RPS3: variants seen among roughly 807,000 people sequenced by gnomAD.
RPS3 encodes the protein ribosomal protein S3, also known as small ribosomal subunit protein uS3.
Under a neutral mutation model 25.8 loss-of-function variants are expected in RPS3, and 2 were observed. The observed-to-expected ratio is 0.08, with a 90% CI of 0.03 to 0.24. RPS3 has a LOEUF of 0.24. Ranked by LOEUF, RPS3 falls within the 10% of genes least tolerant of loss-of-function variation. The probability of loss-of-function intolerance (pLI) is 1.00; values close to 1 mark genes in which losing one functional copy is unlikely to be tolerated. For missense variants in RPS3, 107 were observed against 307.1 expected (o/e 0.35, Z 4.87); for synonymous variants, 114 against 114.2 (o/e 1.00, Z 0.01).
Position 75,412,921 on chromosome 11 carries a change from G to A in RPS3, c.*3+8053G>A, listed in dbSNP as rs141509251. 3.9e-3 allele frequency among the ~76,000 whole-genome samples: 599 copies of A among 152,136 alleles called. 3 individuals carry two copies. The highest frequency in any genetic ancestry group is 8.3e-3 in the Admixed American group (127 of 15,274). On this transcript the variant is annotated intron_variant, in intron 6 of 6. Coordinates refer to the RPS3 transcript ENST00000527446. The stretch of plus-strand genomic sequence containing the variant: ...TCAAGAGGTGGGACTGCAGGCAAAC[G>A]CCACCATACCCAGTTAGTTTTTGTA...
At chr11:75,419,888 C>A (rs1034624578) in intron 6 of RPS3, among the ~76,000 whole-genome samples, 1 of 152,208 alleles carries the variant, frequency 6.6e-6, no homozygotes, top group South Asian at 2.1e-4. Context: ...CCCACCTCGG[C>A]CTCCCTAAGT....
chr11:75,410,454 C>T (rs1292279442), downstream of RPS3, among the ~76,000 whole-genome samples: 1 of 151,654 alleles, frequency 6.6e-6, no homozygotes, highest in Non-Finnish European at 1.5e-5. Flanking sequence ...AGGCGCTCCT[C>T]GCTTCCTAGA....
intron 3 of RPS3, chr11:75,402,098 G>T: frequency 1.8e-6 from 1 of 567,948 alleles, no homozygotes; most frequent in Non-Finnish European, 3.2e-6. Flanking sequence ...TGATGGTGGT[G>T]TCCGATCTTT....
chr11:75,405,130 T>A (rs1417461910), intron 6 of RPS3: 1 of 291,392 alleles, frequency 3.4e-6, no homozygotes, highest in Non-Finnish European at 6.3e-6. Flanking sequence ...TCCTCCCTTA[T>A]TTGCTCAAAA....
intron 1 of RPS3, chr11:75,399,902 T>G: frequency 2.1e-6 from 1 of 466,308 alleles, no homozygotes; most frequent in Non-Finnish European, 3.8e-6. Flanking sequence ...CCTCATGTCT[T>G]ATCCCGTGGT....
downstream of RPS3, chr11:75,407,054 G>C (rs1443616721): frequency 6.6e-6 from 1 of 152,158 alleles, no homozygotes; most frequent in African/African-American, 2.4e-5. Context: ...TTCTCATTGT[G>C]CATCAATCTC....
At position 75,402,709 on chromosome 11, in the gene RPS3, C is replaced by A. The variant is rs956062873; in HGVS notation, c.350+263C>A. 2.6e-4 allele frequency: 65 copies of A among 250,690 alleles called. 1 individual carries two copies. The highest frequency in any genetic ancestry group is 1.4e-3 in the African/African-American group (62 of 45,802). The allele number at this position is 250,690 out of a possible 1,614,324, so 15.5% of individuals were successfully genotyped here. ...GGAGTTAAACACAAATAGAACTGTCCAAGGAGGGGACCAACTCCTGTTGGT... is the reference window on the plus strand; with the variant it reads ...GGAGTTAAACACAAATAGAACTGTCAAAGGAGGGGACCAACTCCTGTTGGT... On this transcript the variant is annotated intron_variant, in intron 4 of 6. Coordinates refer to ENST00000531188, the MANE Select transcript of RPS3 (RefSeq NM_001005.5).
intron 6 of RPS3, among the ~76,000 whole-genome samples, chr11:75,421,476 C>T (rs1013566725): frequency 3.9e-5 from 6 of 152,182 alleles, no homozygotes; most frequent in East Asian, 1.9e-4. Flanking sequence ...TGTTCCCTTT[C>T]TCTCCCTCTC....
At chr11:75,401,334 C>T (rs1223369032) in intron 2 of RPS3, among the ~76,000 whole-genome samples, 2 of 151,992 alleles carry the variant, frequency 1.3e-5, no homozygotes, top group Admixed American at 1.3e-4. Context: ...GGGGAAACCC[C>T]CGCTCTACAA....
At position 75,406,634 on chromosome 11, in the gene RPS3, T is replaced by C. The variant is rs1948291938; in HGVS notation, c.*1024T>C. ...AAGTATCTGACCCCCCCTTCCTTTT[T>C]GACTCATAAATTGGTCATCTTAACC... On this transcript the variant is annotated 3_prime_UTR_variant, in exon 7 of 7. Transcript: ENST00000531188. 2 of 152,334 alleles carry C rather than the reference T, an allele frequency of 1.3e-5. No individual in the cohort carries two copies. The highest frequency in any genetic ancestry group is 2.9e-5 in the Non-Finnish European group (2 of 68,034). 9.4% of individuals were successfully genotyped at this position (152,334 alleles called of 1,614,324 possible). A position where few individuals can be genotyped will look rare whatever the true frequency, so the allele number is the denominator to read the frequency against.
At chr11:75,400,406 G>A (rs1425330931) in intron 1 of RPS3, 4 of 549,022 alleles carry the variant, frequency 7.3e-6, no homozygotes, top group Non-Finnish European at 1.4e-5. Context: ...ATGAAGAGAT[G>A]ATGACGAGTC....
chr11:75,400,950 T>G, intron 2 of RPS3, 126 bp downstream of exon 2: 1 of 1,305,534 alleles, frequency 7.7e-7, no homozygotes, highest in Non-Finnish European at 9.9e-7. Flanking sequence ...TGGCGCGATC[T>G]CGGCTCACTG....
chr11:75,405,686 G>GAC lies in RPS3; in HGVS notation c.*80_*81dup. On this transcript the variant is annotated 3_prime_UTR_variant, in exon 7 of 7. Coordinates refer to ENST00000531188, the MANE Select transcript of RPS3 (RefSeq NM_001005.5). ...GACCTTTAATAAAATTTTGTACAAA[G>GAC]ACACAAGGTCTGACTAGACTGTTCA... 2.2e-6 allele frequency: 1 copy of GAC among 456,064 alleles called. No individual in the cohort carries two copies. 28.3% of individuals were successfully genotyped at this position (456,064 alleles called of 1,614,324 possible).
chr11:75,418,043 C>T (rs945899728), intron 6 of RPS3, among the ~76,000 whole-genome samples: 1 of 152,250 alleles, frequency 6.6e-6, no homozygotes, highest in Non-Finnish European at 1.5e-5. Context: ...CGGGCTCCAC[C>T]CCTCCAGGAC....
downstream of RPS3, among the ~76,000 whole-genome samples, chr11:75,408,564 T>C (rs954450010): frequency 6.6e-6 from 1 of 152,160 alleles, no homozygotes; most frequent in African/African-American, 2.4e-5. Flanking sequence ...CTGTAATCTT[T>C]AGGAGGCTCA....
chr11:75,420,469 G>T (rs1348293898), intron 6 of RPS3, among the ~76,000 whole-genome samples: 1 of 152,212 alleles, frequency 6.6e-6, no homozygotes, highest in African/African-American at 2.4e-5. Context: ...GCCTGGGGGA[G>T]GCAGTGTGGA....
In RPS3 at chr11:75,399,533, G is replaced by A; in HGVS notation, c.-15G>A. The A allele has an allele frequency of 1.9e-6, 3 of 1,613,864 alleles. No homozygotes were observed. The highest frequency in any genetic ancestry group is 2.5e-6 in the Non-Finnish European group (3 of 1,179,920). ...CGAGCCACTTCCTTTCCTTTCAGCGGAGCGCGGCGGCAAGATGGCAGTGCA... is the reference window on the plus strand; with the variant it reads ...CGAGCCACTTCCTTTCCTTTCAGCGAAGCGCGGCGGCAAGATGGCAGTGCA... On this transcript the variant is annotated 5_prime_UTR_variant, in exon 1 of 7. Transcript: ENST00000531188.
chr11:75,418,885 A>G (rs1056434479), intron 6 of RPS3, among the ~76,000 whole-genome samples: 4 of 152,162 alleles, frequency 2.6e-5, no homozygotes, highest in African/African-American at 7.2e-5. Context: ...CCTCACTGGC[A>G]GGCCATTGAC....
chr11:75,412,682 A>G (rs1302592077), intron 6 of RPS3, among the ~76,000 whole-genome samples: 1 of 152,244 alleles, frequency 6.6e-6, no homozygotes, highest in Non-Finnish European at 1.5e-5. Context: ...GTCACAGGAA[A>G]GTTCGAGAGT....
Sources: allele counts gnomAD v4.1 joint callset (sites outside exome capture counted in the v4.1 genomes callset), GRCh38; gene constraint gnomAD v4.1.1; transcripts MANE v1.5; gene names NCBI Gene and HGNC (gene_info 2026-07-23, HGNC 2026-07-21).